GRID1: variants seen among roughly 807,000 people sequenced by gnomAD.
GRID1 encodes the protein glutamate ionotropic receptor delta type subunit 1, also known as glutamate receptor ionotropic, delta-1.
Under a neutral mutation model 98.0 loss-of-function variants are expected in GRID1, and 28 were observed. The ratio of observed to expected loss-of-function variants is 0.29; its 90% confidence interval spans 0.21 to 0.39. GRID1 has a LOEUF of 0.39. Among genes scored for constraint, GRID1 ranks in the 10% least tolerant of loss-of-function variants. The pLI, the probability that GRID1 is intolerant of heterozygous loss-of-function variation, is 1.00. For missense variants in GRID1, 1,111 were observed against 1,340.5 expected (o/e 0.83, Z 2.67); for synonymous variants, 553 against 538.5 (o/e 1.03, Z -0.37).
intron 4 of GRID1, among the ~76,000 whole-genome samples, chr10:86,137,317 G>A (rs868821786): frequency 1.9e-4 from 29 of 152,300 alleles, no homozygotes; most frequent in South Asian, 1.9e-3. Flanking sequence ...AGGCTAAGAC[G>A]GTGATGCAAA....
At chr10:85,961,243 C>A (rs901010501) in intron 4 of GRID1, among the ~76,000 whole-genome samples, 1 of 152,156 alleles carries the variant, frequency 6.6e-6, no homozygotes, top group Non-Finnish European at 1.5e-5. Context: ...AATTATCATG[C>A]GGCACTGGGT....
chr10:85,711,081 A>T (rs1279053218), intron 12 of GRID1, among the ~76,000 whole-genome samples: 5 of 152,172 alleles, frequency 3.3e-5, no homozygotes, highest in South Asian at 2.1e-4. Flanking sequence ...CTTCAAAAAA[A>T]TTAAACATAG....
rs926612361 is a variant in GRID1 at position 85,915,551 on chromosome 10, G to A, written c.780+635C>T. Among the ~76,000 whole-genome samples, 100 of 151,146 alleles carry A rather than the reference G, an allele frequency of 6.6e-4. 2 individuals carry two copies. The highest frequency in any genetic ancestry group is 2.0e-3 in the Admixed American group (30 of 15,196). ...TATACACACACATACACTTGCACAT[G>A]CATGCACATACCTGTCACACACTCA... On this transcript the variant is annotated intron_variant, in intron 5 of 15. Transcript: ENST00000327946.
At chr10:85,865,146 A>T (rs528923358) in intron 6 of GRID1, among the ~76,000 whole-genome samples, 71 of 152,308 alleles carry the variant, frequency 4.7e-4, no homozygotes, top group African/African-American at 1.6e-3. Context: ...CAAGTCCTAA[A>T]CTAACTTGTC....
intron 4 of GRID1, among the ~76,000 whole-genome samples, chr10:85,995,349 C>T (rs1842728397): frequency 6.6e-6 from 1 of 152,218 alleles, no homozygotes; most frequent in Admixed American, 6.5e-5. Context: ...GATGCCTCTG[C>T]TCCCAATCTG....
intron 5 of GRID1, among the ~76,000 whole-genome samples, chr10:85,893,206 C>A (rs1841230775): frequency 6.6e-6 from 1 of 151,970 alleles, no homozygotes; most frequent in Non-Finnish European, 1.5e-5. Context: ...AAACTCTCAG[C>A]AAACTAGGAA....
At chr10:85,943,860 A>G (rs1589307933) in intron 4 of GRID1, among the ~76,000 whole-genome samples, 3 of 152,224 alleles carry the variant, frequency 2.0e-5, no homozygotes, top group Admixed American at 6.5e-5. Flanking sequence ...ATCAGGAGAG[A>G]TATCTACTTC....
chr10:86,087,957 G>T (rs1455528832), intron 4 of GRID1, among the ~76,000 whole-genome samples: 3 of 152,214 alleles, frequency 2.0e-5, no homozygotes, highest in Non-Finnish European at 4.4e-5. Context: ...ACGTCCTACA[G>T]TCAGTGCAGA....
At chr10:85,679,538 T>C (rs915693710) in intron 12 of GRID1, among the ~76,000 whole-genome samples, 6 of 152,148 alleles carry the variant, frequency 3.9e-5, no homozygotes, top group Admixed American at 1.3e-4. Context: ...GAATTGACAC[T>C]TGCAGGACAG....
chr10:86,339,274 GGGAGGA>G (rs376965682), intron 2 of GRID1, among the ~76,000 whole-genome samples: 1 of 152,192 alleles, frequency 6.6e-6, no homozygotes, highest in Non-Finnish European at 1.5e-5. Context: ...GGGAAGGCAG[GGGAGGA>G]GGAGGAGGAG....
At chr10:85,827,877 C>T (rs1842833552) in intron 8 of GRID1, among the ~76,000 whole-genome samples, 1 of 152,118 alleles carries the variant, frequency 6.6e-6, no homozygotes, top group African/African-American at 2.4e-5. Context: ...GACAGATCGT[C>T]AAGGCAGAAA....
chr10:85,801,050 C>A (rs1202916418), intron 8 of GRID1, among the ~76,000 whole-genome samples: 1 of 151,888 alleles, frequency 6.6e-6, no homozygotes, highest in Non-Finnish European at 1.5e-5. Context: ...TGACAACAAA[C>A]AAACAATATT....
intron 15 of GRID1, among the ~76,000 whole-genome samples, chr10:85,607,779 G>T (rs1056533900): frequency 2.0e-5 from 3 of 151,506 alleles, no homozygotes; most frequent in Non-Finnish European, 4.4e-5. Context: ...CATCTACCAG[G>T]TTCCCAAACC....
chr10:85,980,032 A>G (rs1842525046), intron 4 of GRID1, among the ~76,000 whole-genome samples: 1 of 152,276 alleles, frequency 6.6e-6, no homozygotes, highest in South Asian at 2.1e-4. Flanking sequence ...ATGACGGTTC[A>G]TTAGTCTCAG....
At chr10:85,709,371 A>T (rs1468763759) in intron 12 of GRID1, among the ~76,000 whole-genome samples, 2 of 152,248 alleles carry the variant, frequency 1.3e-5, no homozygotes, top group Non-Finnish European at 2.9e-5. Context: ...AAATAAAAAT[A>T]TTTGATTCAG....
intron 4 of GRID1, among the ~76,000 whole-genome samples, chr10:86,035,452 T>A (rs138347825): frequency 8.6e-4 from 131 of 152,272 alleles, no homozygotes; most frequent in African/African-American, 3.1e-3. Context: ...AAAGCATGGA[T>A]GGTAGAGAGT....
At chr10:85,700,885 G>A (rs1347732232) in intron 12 of GRID1, among the ~76,000 whole-genome samples, 1 of 152,212 alleles carries the variant, frequency 6.6e-6, no homozygotes, top group Non-Finnish European at 1.5e-5. Context: ...GACTAAGACA[G>A]TAATGATGAA....
chr10:85,756,746 C>T (rs570724287), intron 8 of GRID1, among the ~76,000 whole-genome samples: 3 of 152,230 alleles, frequency 2.0e-5, no homozygotes, highest in South Asian at 2.1e-4. Flanking sequence ...AAACTGAAAC[C>T]GCAAATAAGG....
chr10:85,956,467 G>A (rs1589312863), intron 4 of GRID1, among the ~76,000 whole-genome samples: 5 of 152,112 alleles, frequency 3.3e-5, no homozygotes, highest in African/African-American at 9.7e-5. Flanking sequence ...TTACATAAAC[G>A]TCATATCTTT....
Sources: allele counts gnomAD v4.1 joint callset (sites outside exome capture counted in the v4.1 genomes callset), GRCh38; gene constraint gnomAD v4.1.1; transcripts MANE v1.5; gene names NCBI Gene and HGNC (gene_info 2026-07-23, HGNC 2026-07-21).